PPP1R1C: variants seen among roughly 807,000 people sequenced by gnomAD.
The protein encoded by PPP1R1C is protein phosphatase 1 regulatory inhibitor subunit 1C, also known as protein phosphatase 1 regulatory subunit 1C.
In PPP1R1C, 15 loss-of-function variants were observed where a neutral mutation model predicts 17.4. That is an observed-to-expected ratio of 0.86 (90% confidence interval 0.58 to 1.33). The LOEUF is 1.33. Among genes scored for constraint, PPP1R1C ranks in the 40% most tolerant of loss-of-function variants. The probability of loss-of-function intolerance (pLI) is 0.00; values close to 1 mark genes in which losing one functional copy is unlikely to be tolerated. For missense variants in PPP1R1C, 143 were observed against 130.0 expected, an observed-to-expected ratio of 1.10 and a Z score of -0.48; for synonymous variants, 35 against 43.1, an observed-to-expected ratio of 0.81 and a Z score of 0.73.
At position 182,013,673 on chromosome 2, in the gene PPP1R1C, C is replaced by G. The variant is rs530713261; in HGVS notation, c.142+25774C>G. 1.4e-4 allele frequency among the ~76,000 whole-genome samples: 21 copies of G among 152,106 alleles called. No individual in the cohort carries two copies. In the East Asian group the frequency reaches 4.1e-3, roughly 29 times the overall value. On this transcript the variant is annotated intron_variant, in intron 2 of 4. Transcript: ENST00000682840. Reference sequence around the variant, plus strand: ...TAAGACCATCAACTCTTAGATTTGCCCTTTTGAGGCTATTTTCTAGATCTT... The same window carrying G: ...TAAGACCATCAACTCTTAGATTTGCGCTTTTGAGGCTATTTTCTAGATCTT...
chr2:182,009,966 C>T (rs1686042420), intron 2 of PPP1R1C, among the ~76,000 whole-genome samples: 1 of 152,014 alleles, frequency 6.6e-6, no homozygotes, highest in Non-Finnish European at 1.5e-5. Flanking sequence ...GTTCTCAATT[C>T]TGTTCCATTG....
chr2:181,988,874 T>C (rs1685378127), intron 2 of PPP1R1C, among the ~76,000 whole-genome samples: 1 of 152,170 alleles, frequency 6.6e-6, no homozygotes, highest in African/African-American at 2.4e-5. Flanking sequence ...TGATGGAAAA[T>C]AAGTAAGCTA....
At chr2:182,124,958 C>T (rs960234094) in intron 5 of PPP1R1C, among the ~76,000 whole-genome samples, 3 of 152,078 alleles carry the variant, frequency 2.0e-5, no homozygotes, top group Non-Finnish European at 4.4e-5. Context: ...GAGGGGGCAT[C>T]CTTGTCTTGC....
intron 4 of PPP1R1C, among the ~76,000 whole-genome samples, chr2:182,112,204 CT>C (rs1395229242): frequency 6.6e-6 from 1 of 152,114 alleles, no homozygotes; most frequent in African/African-American, 2.4e-5. Flanking sequence ...ACACATACTG[CT>C]TGATGACTAT....
intron 2 of PPP1R1C, among the ~76,000 whole-genome samples, chr2:181,975,488 A>G (rs1685080005): frequency 6.6e-6 from 1 of 151,872 alleles, no homozygotes; most frequent in Non-Finnish European, 1.5e-5. Context: ...CTCAGACAAC[A>G]CATTCATTTA....
chr2:182,116,765 A>G (rs372539608), intron 4 of PPP1R1C, among the ~76,000 whole-genome samples: 3 of 152,186 alleles, frequency 2.0e-5, no homozygotes, highest in East Asian at 3.8e-4. Flanking sequence ...AAGATTCACA[A>G]TATTCTGATT....
At chr2:182,077,491 C>T (rs1053868702) in intron 4 of PPP1R1C, among the ~76,000 whole-genome samples, 3 of 152,190 alleles carry the variant, frequency 2.0e-5, no homozygotes, top group Non-Finnish European at 2.9e-5. Flanking sequence ...CCAAAGAATT[C>T]TTTGCATCTA....
intron 2 of PPP1R1C, among the ~76,000 whole-genome samples, chr2:182,026,614 C>T (rs1356283180): frequency 6.6e-6 from 1 of 151,964 alleles, no homozygotes. Flanking sequence ...TTACTGTAGG[C>T]TTGTAGTATA....
chr2:182,079,408 A>G (rs1281192970), intron 4 of PPP1R1C, among the ~76,000 whole-genome samples: 1 of 152,192 alleles, frequency 6.6e-6, no homozygotes, highest in Non-Finnish European at 1.5e-5. Flanking sequence ...CTTGTTCCCT[A>G]TACACAGGTT....
chr2:181,985,159 A>G (rs1685266076), upstream of PPP1R1C, among the ~76,000 whole-genome samples: 1 of 152,236 alleles, frequency 6.6e-6, no homozygotes. This position sits in a 1 kb window ranked among gnomAD's most constrained non-coding sequence, Gnocchi z 4.1. Context: ...AATAAAATAG[A>G]GGTCATTGAA....
intron 4 of PPP1R1C, among the ~76,000 whole-genome samples, chr2:182,081,003 T>C (rs1040617030): frequency 1.3e-5 from 2 of 152,256 alleles, no homozygotes; most frequent in African/African-American, 4.8e-5. Context: ...GATATAATTT[T>C]AGCATCATAT....
intron 1 of PPP1R1C, among the ~76,000 whole-genome samples, chr2:181,969,221 T>G (rs1046041422): frequency 1.3e-5 from 2 of 152,204 alleles, no homozygotes; most frequent in Non-Finnish European, 2.9e-5. Context: ...AATTTCTTAT[T>G]GCTATTAATG....
At chr2:182,030,501 G>A (rs1420817781) in intron 2 of PPP1R1C, among the ~76,000 whole-genome samples, 2 of 150,468 alleles carry the variant, frequency 1.3e-5, no homozygotes, top group East Asian at 2.0e-4. Context: ...CCCTGCTGGG[G>A]GGTGCCTCCC....
chr2:182,009,916 C>T (rs1321199173), intron 2 of PPP1R1C, among the ~76,000 whole-genome samples: 3 of 151,866 alleles, frequency 2.0e-5, no homozygotes, highest in Non-Finnish European at 4.4e-5. Context: ...TCACTTTGGT[C>T]AAAAATGAAT....
chr2:182,040,057 A>AT (rs1687134983), intron 2 of PPP1R1C, among the ~76,000 whole-genome samples: 1 of 152,192 alleles, frequency 6.6e-6, no homozygotes, highest in South Asian at 2.1e-4. Context: ...TCATTAGTTG[A>AT]TGGGCACTTA....
chr2:181,970,616 A>G (rs1684989448), intron 1 of PPP1R1C, among the ~76,000 whole-genome samples: 1 of 152,162 alleles, frequency 6.6e-6, no homozygotes, highest in Admixed American at 6.5e-5. Flanking sequence ...CTCTACAATC[A>G]GCAGGTGGCA....
rs371464343 is a variant in PPP1R1C at position 182,088,326 on chromosome 2, A to G, written c.241+24535A>G. On this transcript the variant is annotated intron_variant, in intron 4 of 4. Transcript: ENST00000682840. ...TTACTATCAGTAGATTTTGAGCTCA[A>G]TGCTTTAGGCTATTAAAAACAAATA... Among the ~76,000 whole-genome samples the G allele has an allele frequency of 3.4e-4, 52 of 152,312 alleles. No individual in the cohort carries two copies. In the South Asian group the frequency reaches 8.7e-3, roughly 25 times the overall value.
chr2:182,069,415 A>G (rs1327922297), intron 4 of PPP1R1C, among the ~76,000 whole-genome samples: 1 of 151,610 alleles, frequency 6.6e-6, no homozygotes, highest in Admixed American at 6.6e-5. Flanking sequence ...TGGAGAAGCA[A>G]TTTGAGAATG....
intron 4 of PPP1R1C, among the ~76,000 whole-genome samples, chr2:182,099,297 T>A (rs1476805248): frequency 6.6e-6 from 1 of 152,176 alleles, no homozygotes; most frequent in Admixed American, 6.5e-5. Flanking sequence ...ATCAGGAAAC[T>A]AATAGGGGAA....
Sources: allele counts gnomAD v4.1 joint callset (sites outside exome capture counted in the v4.1 genomes callset), GRCh38; gene constraint gnomAD v4.1.1; non-coding constraint Gnocchi (gnomAD v3.1); transcripts MANE v1.5; gene names NCBI Gene and HGNC (gene_info 2026-07-23, HGNC 2026-07-21).